The following KDM5C variants were observed in gnomAD, a reference collection of about 807,000 sequenced individuals.
The protein encoded by KDM5C is lysine demethylase 5C.
A neutral mutation model predicts 110.6 loss-of-function variants in KDM5C; 16 were observed. That is an observed-to-expected ratio of 0.14 (90% CI 0.10 to 0.22). The LOEUF (loss-of-function observed/expected upper bound fraction) is 0.22. Among genes scored for constraint, KDM5C ranks in the 10% least tolerant of loss-of-function variants. KDM5C has a pLI of 1.00. For missense variants in KDM5C, 681 were observed against 1,300.9 expected (o/e 0.52, Z 7.33); for synonymous variants, 511 against 520.4 (o/e 0.98, Z 0.24).
At chrX:53,208,805 CTTTTTTTTTTTTTTTTT>C (rs782216325) in intron 12 of KDM5C, among the ~76,000 whole-genome samples, 1 of 22,163 alleles carries the variant, frequency 4.5e-5, no homozygotes, top group South Asian at 8.6e-3. Flanking sequence ...ACACCCGGCT[CTTTTTTTTTTTTTTTTT>C]TTTTTTTTTT....
chrX:53,182,283 A>G (rs1934088858), intron 25 of KDM5C, among the ~76,000 whole-genome samples: 1 of 107,622 alleles, frequency 9.3e-6, no homozygotes, highest in African/African-American at 3.4e-5. Flanking sequence ...GGGTTTCTCC[A>G]TGTTGGTCAG....
In KDM5C at chrX:53,181,236, C is replaced by T. The variant is rs73208475; in HGVS notation, c.4309-4614G>A. Among the ~76,000 whole-genome samples the T allele has an allele frequency of 2.9e-3, 322 of 111,034 alleles. 1 individual carries two copies. Among genetic ancestry groups the T allele is most frequent in the Non-Finnish European group, 3.9e-3 (206 of 53,036 alleles). ...AAATCAGACATAAAACCAAATCCTG[C>T]AGGTTGCTGAATTACAACGCAGGTT... On this transcript the variant is annotated intron_variant, in intron 25 of 25. Transcript: ENST00000685641.
At chrX:53,202,821 T>A (rs1556842997) in intron 12 of KDM5C, 1 of 98,992 alleles carries the variant, frequency 1.0e-5, no homozygotes, top group Non-Finnish European at 2.1e-5. Flanking sequence ...ATGAAAATCC[T>A]TTTTTTTTTT....
At chrX:53,187,890 C>G (rs1216892076), downstream of KDM5C, among the ~76,000 whole-genome samples, 7 of 109,005 alleles carry the variant, frequency 6.4e-5, no homozygotes, top group African/African-American at 2.3e-4. Flanking sequence ...CTCCAGGCGC[C>G]CACCACCACT....
chrX:53,196,002 T>C lies in KDM5C; in HGVS notation c.3034A>G (p.Ile1012Val), dbSNP rs1371121774. The C allele has an allele frequency of 1.7e-6, 2 of 1,210,497 alleles. No individual in the cohort carries two copies. The highest frequency in any genetic ancestry group is 3.5e-5 in the African/African-American group (2 of 57,459). Residue 1012 changes from isoleucine to valine, a missense_variant, in exon 20 of 26, where the codon ATC becomes GTC. By Grantham distance (29) the Ile-to-Val change is conservative (BLOSUM62 3). Transcript: ENST00000375401. ...TGGATGTTGGGCAGGTGAACAGGGA[T>C]GTTTTCCGCTTCACGGATTATGGCC... ...LEAIIREAEN[I>V]PVHLPNIQAL...
intron 12 of KDM5C, among the ~76,000 whole-genome samples, chrX:53,209,314 T>C (rs1157332262): frequency 1.8e-5 from 2 of 111,001 alleles, no homozygotes; most frequent in East Asian, 2.8e-4. Context: ...TGGAGGAAGA[T>C]TGCCTGAACT....
intron 12 of KDM5C, among the ~76,000 whole-genome samples, chrX:53,203,765 G>GT (rs1213066771): frequency 2.8e-5 from 3 of 106,127 alleles, no homozygotes; most frequent in African/African-American, 6.9e-5. Flanking sequence ...GGTTTCCTCA[G>GT]TTTTTTGTTT....
chrX:53,186,293 T>C (rs1475723895), intron 25 of KDM5C, among the ~76,000 whole-genome samples: 9 of 111,285 alleles, frequency 8.1e-5, no homozygotes, highest in Non-Finnish European at 3.8e-5. Flanking sequence ...GGGGATAAAA[T>C]TGGAGGTGGC....
chrX:53,218,168 C>T, intron 3 of KDM5C, 108 bp downstream of exon 3: 1 of 981,312 alleles, frequency 1.0e-6, no homozygotes, highest in Non-Finnish European at 1.4e-6. Context: ...CAAGCTGTGC[C>T]CCTTCCATTG....
intron 14 of KDM5C, 165 bp downstream of exon 14, chrX:53,201,385 T>C (rs2073134401): frequency 7.9e-6 from 4 of 505,392 alleles, no homozygotes; most frequent in African/African-American, 2.3e-5. Context: ...CGACTTAAGG[T>C]TGCTGGTAAA....
In KDM5C at chrX:53,215,983, G is replaced by A; in HGVS notation, c.782-7C>T. On this transcript the variant is annotated splice_region_variant and splice_polypyrimidine_tract_variant and intron_variant, in intron 6 of 25. Coordinates refer to ENST00000375401, the MANE Select transcript of KDM5C (RefSeq NM_004187.5). ...CACTCAGGCCCCTCCTTATCTGGGA[G>A]AGAGAAAAATGGCTGTAAACACAGG... The A allele has an allele frequency of 4.1e-6, 5 of 1,211,880 alleles. No individual in the cohort carries two copies. Among genetic ancestry groups the A allele is most frequent in the Non-Finnish European group, 4.5e-6 (4 of 895,422 alleles).
chrX:53,202,101 G>T, intron 12 of KDM5C, 128 bp from the exon 13 acceptor site: 1 of 813,199 alleles, frequency 1.2e-6, no homozygotes, highest in South Asian at 2.2e-5. Flanking sequence ...CAGAATCCCA[G>T]ACTCTCCAAC....
chrX:53,191,937 C>T (rs1438033022), downstream of KDM5C: 2 of 174,028 alleles, frequency 1.1e-5, no homozygotes, highest in African/African-American at 3.0e-5. Flanking sequence ...TGAGGGGGCC[C>T]GAGCCCATCT....
chrX:53,199,216 A>G, intron 14 of KDM5C, 58 bp from the exon 15 acceptor site: 1 of 1,119,681 alleles, frequency 8.9e-7, no homozygotes, highest in East Asian at 3.0e-5. Context: ...AAAATCCTCC[A>G]TCTCAGCCAC....
At chrX:53,210,959 G>C in intron 10 of KDM5C, 102 bp from the exon 11 acceptor site, 1 of 777,988 alleles carries the variant, frequency 1.3e-6, no homozygotes. Context: ...TTTGAGGTCA[G>C]AGACTTTTTT....
chrX:53,209,864 G>A (rs2073505841), intron 12 of KDM5C, among the ~76,000 whole-genome samples: 2 of 112,576 alleles, frequency 1.8e-5, no homozygotes, highest in East Asian at 2.8e-4. Context: ...CTTTTGACCT[G>A]TTAAATAAAA....
intron 2 of KDM5C, 52 bp from the exon 3 acceptor site, chrX:53,218,450 A>G (rs782453821): frequency 1.7e-6 from 2 of 1,188,278 alleles, no homozygotes; most frequent in South Asian, 1.8e-5. Context: ...ACTGACCACT[A>G]TCTTTGGGTC....
In KDM5C at chrX:53,211,844, C is replaced by A; in HGVS notation, c.1185G>T (p.Gln395His). Reference protein sequence around the residue: ...FEQATREYTLQSFGEMADSFK... With the variant: ...FEQATREYTLHSFGEMADSFK... ...AGGAGTCGGCCATCTCGCCAAAGCT[C>A]TGCAGAGTGTATTCCCGGGTAGCCT... is the stretch of plus-strand genomic sequence containing the variant. Residue 395 changes from glutamine (Q) to histidine (H), a missense_variant, in exon 9 of 26, where the codon CAG (glutamine) becomes CAT (histidine). Gln to His is a conservative substitution (Grantham distance 24). Transcript: ENST00000375401. 1 of 1,211,233 alleles carries A rather than the reference C, an allele frequency of 8.3e-7. No individual in the cohort carries two copies. Among genetic ancestry groups the A allele is most frequent in the Non-Finnish European group, 1.1e-6 (1 of 894,905 alleles).
chrX:53,189,341 A>G (rs782682950), downstream of KDM5C, among the ~76,000 whole-genome samples: 47 of 111,787 alleles, frequency 4.2e-4, no homozygotes, highest in African/African-American at 1.5e-3. Flanking sequence ...TTTGGTGAAA[A>G]TCCCAGCTCT....
Sources: allele counts gnomAD v4.1 joint callset (sites outside exome capture counted in the v4.1 genomes callset), GRCh38; gene constraint gnomAD v4.1.1; transcripts MANE v1.5; gene names NCBI Gene and HGNC (gene_info 2026-07-23, HGNC 2026-07-21).